GRM1: variants seen among roughly 807,000 people sequenced by gnomAD.
GRM1 encodes the protein glutamate metabotropic receptor 1.
Under a neutral mutation model 90.9 loss-of-function variants are expected in GRM1, and 33 were observed. The observed-to-expected ratio is 0.36, with a 90% CI of 0.28 to 0.49. The LOEUF is 0.49. GRM1 is among the 20% of genes least tolerant of loss of function. The pLI is 0.99. For synonymous variants in GRM1, 700 were observed against 613.2 expected (o/e 1.14, Z -2.09); for missense variants, 1,190 against 1,534.3 (o/e 0.78, Z 3.75).
At chr6:146,119,853 A>G (rs1169262355) in intron 1 of GRM1, among the ~76,000 whole-genome samples, 2 of 152,130 alleles carry the variant, frequency 1.3e-5, no homozygotes, top group Admixed American at 6.5e-5. Flanking sequence ...GCCTTGTAGT[A>G]TAGTTTGAAG....
At chr6:146,188,250 A>G (rs1778807550) in intron 2 of GRM1, among the ~76,000 whole-genome samples, 1 of 152,108 alleles carries the variant, frequency 6.6e-6, no homozygotes, top group Non-Finnish European at 1.5e-5. Context: ...CCGTTAAATC[A>G]TTCTGTCTAC....
chr6:146,327,549 A>G (rs532347826), intron 3 of GRM1, among the ~76,000 whole-genome samples: 15 of 152,324 alleles, frequency 9.8e-5, no homozygotes, highest in African/African-American at 3.4e-4. Flanking sequence ...TGTAAAGTAA[A>G]AAATGGCTTA....
chr6:146,131,843 G>A (rs1043340661), intron 1 of GRM1, among the ~76,000 whole-genome samples: 1 of 152,166 alleles, frequency 6.6e-6, no homozygotes, highest in Non-Finnish European at 1.5e-5. Flanking sequence ...AACCATAAGT[G>A]CTGTAAAGAG....
At chr6:146,038,107 A>C (rs532356711) in intron 1 of GRM1, among the ~76,000 whole-genome samples, 1 of 151,928 alleles carries the variant, frequency 6.6e-6, no homozygotes, top group East Asian at 1.9e-4. Flanking sequence ...TTTTTTCTCC[A>C]GCTCCTTCAG....
In GRM1 at chr6:146,159,243, CA is replaced by C. The variant is rs536970328; in HGVS notation, c.701-103del. ...TCAGCCATATTTACAAATTATTTGG[CA>C]AGTCCGTTCTCTCCATTCCTGTGAC... On this transcript the variant is annotated intron_variant, in intron 1 of 7. Transcript: ENST00000282753. The C allele has an allele frequency of 1.2e-4, 167 of 1,357,874 alleles. 3 individuals are homozygous for C. The East Asian group carries it at 3.5e-3, about 29-fold the overall frequency. The allele number at this position is 1,357,874 out of a possible 1,614,324, so 84.1% of individuals were successfully genotyped here. A position where few individuals can be genotyped will look rare whatever the true frequency, so the allele number is the denominator to read the frequency against.
chr6:146,308,412 T>C (rs1783654727), intron 3 of GRM1, among the ~76,000 whole-genome samples: 1 of 152,206 alleles, frequency 6.6e-6, no homozygotes, highest in South Asian at 2.1e-4. Context: ...AACATAAATG[T>C]AAAATGTTAC....
chr6:146,098,436 C>T (rs1582998724), intron 1 of GRM1, among the ~76,000 whole-genome samples: 1 of 152,062 alleles, frequency 6.6e-6, no homozygotes, highest in Middle Eastern at 3.4e-3. Context: ...AATAAAACAT[C>T]CAGATTATAA....
At chr6:146,121,199 T>G (rs954252214) in intron 1 of GRM1, among the ~76,000 whole-genome samples, 3 of 152,216 alleles carry the variant, frequency 2.0e-5, no homozygotes, top group Non-Finnish European at 4.4e-5. Context: ...TATCAGTTTC[T>G]TCTATGTTTT....
chr6:146,038,088 T>C (rs1790956959), intron 1 of GRM1, among the ~76,000 whole-genome samples: 1 of 151,942 alleles, frequency 6.6e-6, no homozygotes, highest in South Asian at 2.1e-4. Flanking sequence ...GATTATGAAT[T>C]AACCATTTTT....
chr6:146,365,027 G>T (rs968713678), intron 5 of GRM1: 6 of 152,084 alleles, frequency 3.9e-5, no homozygotes, highest in African/African-American at 1.4e-4. Context: ...GTAAAACAAT[G>T]ATTCAGTTCC....
chr6:146,398,792 T>C lies in GRM1; in HGVS notation c.1753T>C (p.Tyr585His), dbSNP rs1475056272. Reference protein sequence around the residue: ...LTGCEPIPVRYLEWSNIESII... With the variant: ...LTGCEPIPVRHLEWSNIESII... The stretch of plus-strand genomic sequence containing the variant: ...AGGCTGTGAGCCCATTCCTGTGCGC[T>C]ATCTTGAGTGGAGCAACATCGAATC... Residue 585 changes from tyrosine to histidine, a missense_variant, in exon 7 of 8, where the codon TAT (tyrosine) becomes CAT (histidine). Physicochemically the swap from Tyr to His is moderately conservative, Grantham distance 83. Coordinates refer to ENST00000282753, the MANE Select transcript of GRM1 (RefSeq NM_001278064.2). 11 of 1,613,046 alleles carry C rather than the reference T, an allele frequency of 6.8e-6. No individual in the cohort carries two copies. Among genetic ancestry groups the C allele is most frequent in the African/African-American group, 1.3e-5 (1 of 74,890 alleles).
chr6:146,133,204 G>A (rs1031466618), intron 1 of GRM1, among the ~76,000 whole-genome samples: 1 of 152,208 alleles, frequency 6.6e-6, no homozygotes, highest in Non-Finnish European at 1.5e-5. Flanking sequence ...AGCCTCAGAG[G>A]AGATCTAGTC....
At chr6:146,428,740 A>G (rs1244184508) in intron 7 of GRM1, among the ~76,000 whole-genome samples, 3 of 152,168 alleles carry the variant, frequency 2.0e-5, no homozygotes, top group African/African-American at 7.2e-5. Context: ...TCTTAAATAG[A>G]CTTTGGTAGG....
At chr6:146,416,577 T>C (rs1165984203) in intron 7 of GRM1, among the ~76,000 whole-genome samples, 1 of 152,154 alleles carries the variant, frequency 6.6e-6, no homozygotes, top group Admixed American at 6.5e-5. Context: ...TCCTATCTTA[T>C]ATTATTATTA....
At chr6:146,211,037 T>C (rs1779671567) in intron 2 of GRM1, among the ~76,000 whole-genome samples, 1 of 152,034 alleles carries the variant, frequency 6.6e-6, no homozygotes, top group Non-Finnish European at 1.5e-5. Flanking sequence ...AATTATGACC[T>C]ACTCAAAGGA....
At chr6:146,094,910 A>T (rs1338431615) in intron 1 of GRM1, among the ~76,000 whole-genome samples, 1 of 152,098 alleles carries the variant, frequency 6.6e-6, no homozygotes, top group East Asian at 1.9e-4. Flanking sequence ...CAATTCCTCC[A>T]AAGATCCAAA....
At chr6:146,202,923 C>T (rs1316798918) in intron 2 of GRM1, among the ~76,000 whole-genome samples, 6 of 152,180 alleles carry the variant, frequency 3.9e-5, no homozygotes, top group South Asian at 4.2e-4. Flanking sequence ...TGGCCGGGCG[C>T]GGTGGCTCAC....
At chr6:146,364,002 G>A (rs1204020336) in intron 5 of GRM1, among the ~76,000 whole-genome samples, 1 of 152,210 alleles carries the variant, frequency 6.6e-6, no homozygotes, top group African/African-American at 2.4e-5. Context: ...TTGGGAAGAG[G>A]ATAGACGACG....
chr6:146,281,606 T>G (rs1040438447), intron 2 of GRM1, among the ~76,000 whole-genome samples: 5 of 152,280 alleles, frequency 3.3e-5, no homozygotes, highest in African/African-American at 1.2e-4. Flanking sequence ...TATTCATTTT[T>G]TATGTTCCTT....
Sources: gnomAD v4.1 joint callset for allele counts (sites outside exome capture counted in the v4.1 genomes callset) on GRCh38, gnomAD v4.1.1 for gene constraint, MANE v1.5 for transcripts, NCBI Gene and HGNC (gene_info 2026-07-23, HGNC 2026-07-21) for gene names.